HPSE2: variants seen among roughly 807,000 people sequenced by gnomAD.
HPSE2 encodes inactive heparanase-2.
A neutral mutation model predicts 60.5 loss-of-function variants in HPSE2; 38 were observed. The observed-to-expected ratio is 0.63, with a 90% CI of 0.48 to 0.82. HPSE2 has a LOEUF of 0.82. Among genes scored for constraint, HPSE2 ranks in the 40% least tolerant of loss-of-function variants. The pLI is 0.00. For synonymous variants in HPSE2, 295 were observed against 293.2 expected (o/e 1.01, Z -0.06); for missense variants, 713 against 740.4 (o/e 0.96, Z 0.43).
chr10:98,610,859 G>A (rs538396470), intron 9 of HPSE2, among the ~76,000 whole-genome samples: 14 of 152,238 alleles, frequency 9.2e-5, no homozygotes, highest in African/African-American at 2.4e-4. Flanking sequence ...AGAAGATGTC[G>A]ACTAGTAATT....
At chr10:98,671,803 A>C (rs1947514325) in intron 6 of HPSE2, among the ~76,000 whole-genome samples, 1 of 152,184 alleles carries the variant, frequency 6.6e-6, no homozygotes, top group Non-Finnish European at 1.5e-5. Flanking sequence ...GAAAGGTAAG[A>C]ATCTGTAAGA....
chr10:99,237,627 T>C (rs959806068), upstream of HPSE2, among the ~76,000 whole-genome samples: 1 of 152,254 alleles, frequency 6.6e-6, no homozygotes, highest in Admixed American at 6.5e-5. Flanking sequence ...ATGATTTTTT[T>C]AAATCAAGCT....
At chr10:98,551,519 G>C (rs776815868) in intron 9 of HPSE2, among the ~76,000 whole-genome samples, 1 of 152,154 alleles carries the variant, frequency 6.6e-6, no homozygotes, top group African/African-American at 2.4e-5. Flanking sequence ...GCAGGAGTAT[G>C]ATCCGAACTA....
At chr10:98,879,852 C>CGTGTGT (rs3043546) in intron 3 of HPSE2, among the ~76,000 whole-genome samples, 10,317 of 145,718 alleles carry the variant, frequency 0.071, 421 homozygotes, top group Non-Finnish European at 0.095. Context: ...TGTGCATGTG[C>CGTGTGT]GTGTGTGTGT....
chr10:99,193,423 T>C (rs1320963134), intron 2 of HPSE2, among the ~76,000 whole-genome samples: 1 of 151,976 alleles, frequency 6.6e-6, no homozygotes, highest in East Asian at 1.9e-4. Context: ...AGTAAGTCCT[T>C]AGTTATCAAT....
chr10:99,167,954 T>A (rs999581659), intron 2 of HPSE2, among the ~76,000 whole-genome samples: 4 of 152,142 alleles, frequency 2.6e-5, no homozygotes, highest in African/African-American at 9.7e-5. Flanking sequence ...CACATAAATA[T>A]ATTCGTTATA....
chr10:98,507,315 T>C (rs1942235498), intron 9 of HPSE2, among the ~76,000 whole-genome samples: 1 of 152,214 alleles, frequency 6.6e-6, no homozygotes, highest in African/African-American at 2.4e-5. Context: ...GTTTTGTATG[T>C]GTCAAATAAT....
At chr10:98,697,506 T>C (rs1201046408) in intron 5 of HPSE2, among the ~76,000 whole-genome samples, 2 of 152,092 alleles carry the variant, frequency 1.3e-5, no homozygotes, top group Admixed American at 6.5e-5. Flanking sequence ...TATGGGACTA[T>C]GTAAAAAGAC....
intron 3 of HPSE2, among the ~76,000 whole-genome samples, chr10:99,012,794 C>G (rs1342446437): frequency 6.6e-6 from 1 of 152,102 alleles, no homozygotes; most frequent in Non-Finnish European, 1.5e-5. Context: ...ATAAAGCTCT[C>G]AAAATTCAAA....
At chr10:99,102,286 A>G (rs1844033019) in intron 3 of HPSE2, among the ~76,000 whole-genome samples, 1 of 152,214 alleles carries the variant, frequency 6.6e-6, no homozygotes, top group Admixed American at 6.5e-5. Flanking sequence ...GCAATAAAAA[A>G]TGATAAAGGG....
intron 3 of HPSE2, among the ~76,000 whole-genome samples, chr10:99,078,478 GTTATA>G (rs1413871205): frequency 6.6e-6 from 1 of 152,008 alleles, no homozygotes; most frequent in Non-Finnish European, 1.5e-5. Context: ...GTAGACAGTT[GTTATA>G]TTATTTAGGG....
chr10:99,060,832 A>C (rs2135522944), intron 3 of HPSE2, among the ~76,000 whole-genome samples: 1 of 152,236 alleles, frequency 6.6e-6, no homozygotes, highest in Non-Finnish European at 1.5e-5. Flanking sequence ...AGGTGAAATA[A>C]ACCAGGAACA....
At chr10:99,168,525 A>C (rs957290139) in intron 2 of HPSE2, among the ~76,000 whole-genome samples, 9 of 152,194 alleles carry the variant, frequency 5.9e-5, no homozygotes, top group African/African-American at 1.4e-4. Flanking sequence ...TTCTGTCTCA[A>C]CTCTTACATT....
At chr10:98,920,801 A>G (rs1954260434) in intron 3 of HPSE2, among the ~76,000 whole-genome samples, 1 of 152,218 alleles carries the variant, frequency 6.6e-6, no homozygotes, top group Admixed American at 6.5e-5. Flanking sequence ...AGCTTAAATA[A>G]TCATAGTCTG....
rs551104481 is a variant in HPSE2 at position 98,988,060 on chromosome 10, C to T, written c.610+156178G>A. ...GGAAGAATCAATATCGTGAAAATGG[C>T]CATACTGCCCAAGGTAATTTATAGA... On this transcript the variant is annotated intron_variant, in intron 3 of 11. Coordinates refer to ENST00000370552, the MANE Select transcript of HPSE2 (RefSeq NM_021828.5). Among the ~76,000 whole-genome samples, 138 of 152,288 alleles carry T rather than the reference C, an allele frequency of 9.1e-4. 1 individual carries two copies. The highest frequency in any genetic ancestry group is 3.1e-3 in the African/African-American group (130 of 41,572).
chr10:99,269,491 G>C, the HPSE2 span, among the ~76,000 whole-genome samples: 1 of 151,704 alleles, frequency 6.6e-6, no homozygotes, highest in East Asian at 1.9e-4. Flanking sequence ...GAAATAGATA[G>C]CAACACAATA....
intron 3 of HPSE2, among the ~76,000 whole-genome samples, chr10:99,117,917 A>C (rs998746206): frequency 2.0e-5 from 3 of 152,214 alleles, no homozygotes; most frequent in Non-Finnish European, 4.4e-5. Flanking sequence ...CAATTTAAAA[A>C]AAGAAAAATT....
At chr10:98,907,205 A>G (rs1024710009) in intron 3 of HPSE2, among the ~76,000 whole-genome samples, 2 of 152,208 alleles carry the variant, frequency 1.3e-5, no homozygotes, top group African/African-American at 4.8e-5. Context: ...AAATCCAGAG[A>G]GAAACTGACT....
chr10:98,990,815 T>C (rs1384067708), intron 3 of HPSE2, among the ~76,000 whole-genome samples: 3 of 152,214 alleles, frequency 2.0e-5, no homozygotes, highest in African/African-American at 4.8e-5. Context: ...TCCTATTTAA[T>C]AGCAAGAAAG....
Sources: gnomAD v4.1 joint callset for allele counts (sites outside exome capture counted in the v4.1 genomes callset) on GRCh38, gnomAD v4.1.1 for gene constraint, MANE v1.5 for transcripts, NCBI Gene and HGNC (gene_info 2026-07-23, HGNC 2026-07-21) for gene names.